Variants in TBCEL observed in about 807,000 individuals in gnomAD.
TBCEL encodes the protein tubulin-specific chaperone cofactor E-like protein.
Under a neutral mutation model 44.2 loss-of-function variants are expected in TBCEL, and 15 were observed. The observed-to-expected ratio is 0.34, with a 90% CI of 0.23 to 0.52. The LOEUF is 0.52. TBCEL is among the 20% of genes least tolerant of loss of function. The pLI, the probability that TBCEL is intolerant of heterozygous loss-of-function variation, is 0.95. For synonymous variants in TBCEL, 171 were observed against 185.4 expected (o/e 0.92, Z 0.63); for missense variants, 319 against 506.3 (o/e 0.63, Z 3.55).
At chr11:121,038,476 A>G (rs772533811) in intron 2 of TBCEL, among the ~76,000 whole-genome samples, 2 of 152,172 alleles carry the variant, frequency 1.3e-5, no homozygotes, top group Non-Finnish European at 1.5e-5. Context: ...CTTAAAATGT[A>G]TAAGAATCTG....
chr11:121,044,649 G>A (rs963345871), intron 2 of TBCEL, among the ~76,000 whole-genome samples: 3 of 152,018 alleles, frequency 2.0e-5, no homozygotes. Flanking sequence ...ATGCATCATA[G>A]GCCAGCCCCT....
intron 6 of TBCEL, 123 bp downstream of exon 6, chr11:121,055,431 C>A: frequency 1.0e-6 from 1 of 989,814 alleles, no homozygotes; most frequent in Non-Finnish European, 1.4e-6. Context: ...TTCTATATGA[C>A]ATGCAGATGC....
At chr11:121,048,524 G>A (rs1422154695) in intron 4 of TBCEL, among the ~76,000 whole-genome samples, 1 of 151,736 alleles carries the variant, frequency 6.6e-6, no homozygotes, top group African/African-American at 2.4e-5. Flanking sequence ...CTTAATTTGG[G>A]CTCTTATTTT....
chr11:121,031,107 C>G lies in TBCEL; in HGVS notation c.-125-5398C>G, dbSNP rs987008061. Among the ~76,000 whole-genome samples, 5 of 152,160 alleles carry G rather than the reference C, an allele frequency of 3.3e-5. No homozygotes were observed. In the South Asian group the frequency reaches 1.0e-3, roughly 32 times the overall value. ...CACTGCATTCCCCCCCACCGCAATC[C>G]TCCCAGGATTTTTGCAGTTTTAAGC... On this transcript the variant is annotated intron_variant, in intron 1 of 8. Coordinates refer to ENST00000683345, the MANE Select transcript of TBCEL (RefSeq NM_001363644.2).
intron 8 of TBCEL, among the ~76,000 whole-genome samples, chr11:121,076,316 A>C (rs527445903): frequency 6.6e-6 from 1 of 151,946 alleles, no homozygotes; most frequent in Non-Finnish European, 1.5e-5. Flanking sequence ...CCATGAACCC[A>C]GTATCTCTTT....
At chr11:121,083,233 A>G (rs1024595152) in intron 8 of TBCEL, among the ~76,000 whole-genome samples, 1 of 152,226 alleles carries the variant, frequency 6.6e-6, no homozygotes, top group Non-Finnish European at 1.5e-5. Context: ...AGGTGGGTGA[A>G]CAAGAGAAAT....
chr11:121,047,079 C>T (rs1478842130), intron 3 of TBCEL, among the ~76,000 whole-genome samples: 3 of 151,758 alleles, frequency 2.0e-5, no homozygotes, highest in Non-Finnish European at 4.4e-5. Flanking sequence ...TTCAGAGGCA[C>T]AAAAGATAAA....
intron 8 of TBCEL, among the ~76,000 whole-genome samples, chr11:121,069,619 C>T (rs1945887472): frequency 6.6e-6 from 1 of 151,964 alleles, no homozygotes; most frequent in Non-Finnish European, 1.5e-5. Flanking sequence ...GGTGAAACCC[C>T]ATTTCTACTA....
intron 8 of TBCEL, among the ~76,000 whole-genome samples, chr11:121,078,556 C>T (rs1284250792): frequency 6.6e-6 from 1 of 152,186 alleles, no homozygotes; most frequent in East Asian, 1.9e-4. Context: ...CTTATTAGAA[C>T]CATTGCTCTA....
At chr11:121,068,899 AAAAC>A (rs916963904) in intron 8 of TBCEL, among the ~76,000 whole-genome samples, 3 of 151,640 alleles carry the variant, frequency 2.0e-5, no homozygotes, top group Non-Finnish European at 4.4e-5. Flanking sequence ...AAAAAAAAAA[AAAAC>A]AGACAAAAAA....
chr11:121,085,908 T>G (rs2135027006), intron 8 of TBCEL, among the ~76,000 whole-genome samples: 1 of 152,328 alleles, frequency 6.6e-6, no homozygotes, highest in South Asian at 2.1e-4. Flanking sequence ...AGGGGGATAA[T>G]TTTATGTGAC....
Position 121,047,684 on chromosome 11 carries a change from G to T in TBCEL, c.273+17G>T, listed in dbSNP as rs762256457. 6.2e-7 allele frequency: 1 copy of T among 1,610,812 alleles called. No homozygotes were observed. Among genetic ancestry groups the T allele is most frequent in the Non-Finnish European group, 8.5e-7 (1 of 1,178,280 alleles). The stretch of plus-strand genomic sequence containing the variant: ...TGGCATGAGGTGAAGTTTTTATATT[G>T]CTACATTTTAGTGAAAAGCAGCAAT... On this transcript the variant is annotated intron_variant, in intron 4 of 8. Transcript: ENST00000683345.
rs1182989054 is a variant in TBCEL, at chr11:121,089,833, A to AT, written c.*2738dup. 2 of 152,212 alleles carry AT rather than the reference A, an allele frequency of 1.3e-5. No homozygotes were observed. Among genetic ancestry groups the AT allele is most frequent in the Admixed American group, 6.6e-5 (1 of 15,266 alleles). The allele number at this position is 152,212 out of a possible 1,614,324, so 9.4% of individuals were successfully genotyped here. ...TTGCTACAGACACAATGTATAGAAC[A>AT]TACCTTTTCTAAAATAGGAATTATT... On this transcript the variant is annotated 3_prime_UTR_variant, in exon 9 of 9. Coordinates refer to ENST00000683345, the MANE Select transcript of TBCEL (RefSeq NM_001363644.2).
At chr11:121,073,983 T>A (rs751003632) in intron 8 of TBCEL, among the ~76,000 whole-genome samples, 1 of 151,978 alleles carries the variant, frequency 6.6e-6, no homozygotes, top group African/African-American at 2.4e-5. Flanking sequence ...TCCATCTATT[T>A]TGATATGTAA....
chr11:121,086,847 C>A lies in TBCEL; in HGVS notation c.1026C>A (p.Ser342Arg). ...PLAEVDLRPQ[S>R]SAKVEVHFND... ...CAGAAGTGGACCTAAGACCCCAGAGCAGTGCAAAAGTAGAAGTCCACTTTA... is the reference window on the plus strand; with the variant it reads ...CAGAAGTGGACCTAAGACCCCAGAGAAGTGCAAAAGTAGAAGTCCACTTTA... Residue 342 changes from serine to arginine, a missense_variant, in exon 9 of 9, where the codon AGC (serine) becomes AGA (arginine). Ser to Arg is a moderately radical substitution (Grantham distance 110). Coordinates refer to ENST00000683345, the MANE Select transcript of TBCEL (RefSeq NM_001363644.2). 1.2e-6 allele frequency: 2 copies of A among 1,613,984 alleles called. No homozygotes were observed. Among genetic ancestry groups the A allele is most frequent in the Non-Finnish European group, 1.7e-6 (2 of 1,179,944 alleles).
intron 1 of TBCEL, chr11:121,036,024 G>C (rs1327844698): frequency 1.3e-5 from 2 of 152,080 alleles, no homozygotes; most frequent in Non-Finnish European, 2.9e-5. Context: ...AAGATGGATT[G>C]GCTTAACAGA....
chr11:121,037,963 A>AT (rs771076664), intron 2 of TBCEL, among the ~76,000 whole-genome samples: 2,266 of 144,502 alleles, frequency 0.016, 46 homozygotes, highest in African/African-American at 0.051. Flanking sequence ...TGCAGAATGA[A>AT]TTTTTTTTTT....
Position 121,089,264 on chromosome 11 carries a change from T to C in TBCEL, c.*2168T>C, listed in dbSNP as rs1197718473. 6.6e-6 allele frequency: 1 copy of C among 152,216 alleles called. No individual in the cohort carries two copies. The highest frequency in any genetic ancestry group is 1.9e-4 in the East Asian group (1 of 5,202). The allele number at this position is 152,216 out of a possible 1,614,324, so 9.4% of individuals were successfully genotyped here. A position where few individuals can be genotyped will look rare whatever the true frequency, so the allele number is the denominator to read the frequency against. On this transcript the variant is annotated 3_prime_UTR_variant, in exon 9 of 9. Coordinates refer to ENST00000683345, the MANE Select transcript of TBCEL (RefSeq NM_001363644.2). ...CACAATTAATAAGATATTTTATATATGGCAAAGTTTTATGAAATGCTTTTT... is the reference window on the plus strand; with the variant it reads ...CACAATTAATAAGATATTTTATATACGGCAAAGTTTTATGAAATGCTTTTT...
intron 1 of TBCEL, among the ~76,000 whole-genome samples, chr11:121,024,964 C>G (rs1945020702): frequency 6.6e-6 from 1 of 152,114 alleles, no homozygotes; most frequent in Non-Finnish European, 1.5e-5. Flanking sequence ...AAGTAAGGAT[C>G]TGTGTGGAGC....
Sources: gnomAD v4.1 joint callset for allele counts (sites outside exome capture counted in the v4.1 genomes callset) on GRCh38, gnomAD v4.1.1 for gene constraint, MANE v1.5 for transcripts, NCBI Gene and HGNC (gene_info 2026-07-23, HGNC 2026-07-21) for gene names.